The following GALNT13 variants were observed in gnomAD, a reference collection of about 807,000 sequenced individuals.
GALNT13 encodes polypeptide N-acetylgalactosaminyltransferase 13, also known as UDP-GalNAc:polypeptide N-acetylgalactosaminyltransferase 13.
A neutral mutation model predicts 64.2 loss-of-function variants in GALNT13; 28 were observed. That is an observed-to-expected ratio of 0.44 (90% confidence interval 0.32 to 0.60). The LOEUF is 0.60. Among genes scored for constraint, GALNT13 ranks in the 20% least tolerant of loss-of-function variants. The pLI, the probability that GALNT13 is intolerant of heterozygous loss-of-function variation, is 0.05. For missense variants in GALNT13, 577 were observed against 669.8 expected (o/e 0.86, Z 1.53); for synonymous variants, 214 against 224.6 (o/e 0.95, Z 0.42).
Position 154,039,851 on chromosome 2 carries a change from A to G in GALNT13, c.142+95212A>G, listed in dbSNP as rs760023834. Among the ~76,000 whole-genome samples, 7 of 140,606 alleles carry G rather than the reference A, an allele frequency of 5.0e-5. 1 individual carries two copies. Among genetic ancestry groups the G allele is most frequent in the Non-Finnish European group, 1.1e-4 (7 of 61,200 alleles). 92.2% of individuals were successfully genotyped at this position (140,606 alleles called of 152,430 possible). A position where few individuals can be genotyped will look rare whatever the true frequency, so the allele number is the denominator to read the frequency against. ...CCCTAATTTGGTCATTACACATTGT[A>G]TACATGTATAGGGATATTGTATGCT... On this transcript the variant is annotated intron_variant, in intron 3 of 12. Transcript: ENST00000392825.
At chr2:153,489,077 A>C in the GALNT13 span, among the ~76,000 whole-genome samples, 2 of 152,186 alleles carry the variant, frequency 1.3e-5, no homozygotes, top group South Asian at 2.1e-4. Flanking sequence ...TAGTGTGTAC[A>C]TATGGACATA....
At chr2:153,376,000 G>A in the GALNT13 span, among the ~76,000 whole-genome samples, 1 of 152,128 alleles carries the variant, frequency 6.6e-6, no homozygotes, top group South Asian at 2.1e-4. Context: ...TTTACAACCA[G>A]CTGTCATGGG....
At chr2:153,900,231 C>T (rs1270786349) in intron 1 of GALNT13, among the ~76,000 whole-genome samples, 1 of 151,984 alleles carries the variant, frequency 6.6e-6, no homozygotes, top group African/African-American at 2.4e-5. Context: ...AGTGTAAAAC[C>T]CATTTAATTT....
the GALNT13 span, among the ~76,000 whole-genome samples, chr2:153,293,781 G>C: frequency 1.6e-5 from 2 of 121,588 alleles, no homozygotes; most frequent in Non-Finnish European, 3.5e-5. Context: ...GTGTGTGTGT[G>C]TGTGTGTGTG....
At chr2:153,589,656 G>C in the GALNT13 span, among the ~76,000 whole-genome samples, 1 of 152,266 alleles carries the variant, frequency 6.6e-6, no homozygotes, top group South Asian at 2.1e-4. Flanking sequence ...CATGGAAGAA[G>C]GCAAGGAGGA....
At chr2:153,435,815 T>G in the GALNT13 span, among the ~76,000 whole-genome samples, 3 of 152,064 alleles carry the variant, frequency 2.0e-5, no homozygotes, top group Admixed American at 2.0e-4. Flanking sequence ...TGAATACCCT[T>G]TATTTCCTTC....
upstream of GALNT13, among the ~76,000 whole-genome samples, chr2:153,868,531 A>G (rs894961769): frequency 6.6e-6 from 1 of 152,238 alleles, no homozygotes; most frequent in African/African-American, 2.4e-5. Context: ...TTAAAGTTAT[A>G]TAATACATTT....
chr2:153,558,903 A>G, the GALNT13 span, among the ~76,000 whole-genome samples: 1 of 152,202 alleles, frequency 6.6e-6, no homozygotes, highest in East Asian at 1.9e-4. Flanking sequence ...CACTCTCTGG[A>G]AAGCCAGGAA....
At chr2:154,225,679 T>C (rs1688580211) in intron 4 of GALNT13, among the ~76,000 whole-genome samples, 1 of 152,140 alleles carries the variant, frequency 6.6e-6, no homozygotes, top group Non-Finnish European at 1.5e-5. Flanking sequence ...TACAGTTTTA[T>C]TTTATCATAG....
chr2:154,007,563 T>C (rs1325086627), intron 3 of GALNT13, among the ~76,000 whole-genome samples: 1 of 152,024 alleles, frequency 6.6e-6, no homozygotes, highest in Non-Finnish European at 1.5e-5. Flanking sequence ...AATATGTTGT[T>C]TATTCATCAA....
the GALNT13 span, among the ~76,000 whole-genome samples, chr2:153,345,294 G>A: frequency 6.6e-6 from 1 of 152,176 alleles, no homozygotes; most frequent in Admixed American, 6.5e-5. Flanking sequence ...TTAGTTGCAT[G>A]TTGAGTTTGC....
At chr2:153,729,357 CTT>C in the GALNT13 span, among the ~76,000 whole-genome samples, 1 of 152,062 alleles carries the variant, frequency 6.6e-6, no homozygotes, top group Non-Finnish European at 1.5e-5. Context: ...TGTTCAGTCT[CTT>C]AATGCTATAC....
At chr2:154,374,132 G>A (rs1047278886) in intron 9 of GALNT13, among the ~76,000 whole-genome samples, 4 of 152,116 alleles carry the variant, frequency 2.6e-5, no homozygotes, top group Non-Finnish European at 5.9e-5. Flanking sequence ...TTGATGTTGT[G>A]ACTTGGGAGA....
At chr2:153,459,922 CTTAAG>C in the GALNT13 span, among the ~76,000 whole-genome samples, 1 of 152,032 alleles carries the variant, frequency 6.6e-6, no homozygotes, top group East Asian at 1.9e-4. Flanking sequence ...TCCAATGAAT[CTTAAG>C]TTAAAAATGA....
At chr2:153,496,925 C>T in the GALNT13 span, among the ~76,000 whole-genome samples, 1 of 141,044 alleles carries the variant, frequency 7.1e-6, no homozygotes, top group Non-Finnish European at 1.5e-5. Flanking sequence ...ACCCCAGAGG[C>T]GGAAGTTGCA....
chr2:154,336,775 A>C (rs975569550), intron 9 of GALNT13, among the ~76,000 whole-genome samples: 2 of 152,102 alleles, frequency 1.3e-5, no homozygotes, highest in African/African-American at 4.8e-5. Context: ...CCTAATGCTT[A>C]TTAAGGAAAT....
At chr2:154,404,647 C>G (rs1052525431) in intron 10 of GALNT13, among the ~76,000 whole-genome samples, 2 of 152,098 alleles carry the variant, frequency 1.3e-5, no homozygotes, top group African/African-American at 4.8e-5. Flanking sequence ...AAACTCCTCT[C>G]TAATATCTGA....
At chr2:153,263,435 G>A in the GALNT13 span, among the ~76,000 whole-genome samples, 94 of 151,984 alleles carry the variant, frequency 6.2e-4, 1 homozygote, top group Non-Finnish European at 1.2e-3. Context: ...CACAGAATTA[G>A]AAAAAAATCT....
At chr2:153,687,782 C>T in the GALNT13 span, among the ~76,000 whole-genome samples, 11 of 152,046 alleles carry the variant, frequency 7.2e-5, 1 homozygote, top group African/African-American at 9.6e-5. Context: ...AGCCTTCTGT[C>T]AGCTCCCAAA....
Sources: allele counts gnomAD v4.1 joint callset (sites outside exome capture counted in the v4.1 genomes callset), GRCh38; gene constraint gnomAD v4.1.1; transcripts MANE v1.5; gene names NCBI Gene and HGNC (gene_info 2026-07-23, HGNC 2026-07-21).